The following GLI2 variants were observed in gnomAD, a reference collection of about 807,000 sequenced individuals.
GLI2 encodes the protein GLI family zinc finger 2, also known as transcription activator GLI2.
GLI2 carries 22 observed loss-of-function variants against 78.9 expected under a neutral mutation model. That is an observed-to-expected ratio of 0.28 (90% CI 0.20 to 0.40). GLI2 has a LOEUF of 0.40. GLI2 is among the 10% of genes least tolerant of loss of function. The pLI, the probability that GLI2 is intolerant of heterozygous loss-of-function variation, is 1.00. For missense variants in GLI2, 2,097 were observed against 2,213.2 expected, an observed-to-expected ratio of 0.95 and a Z score of 1.05; for synonymous variants, 974 against 963.7, an observed-to-expected ratio of 1.01 and a Z score of -0.20.
At chr2:120,767,725 C>T (rs1474576675) in intron 1 of GLI2, among the ~76,000 whole-genome samples, 1 of 152,218 alleles carries the variant, frequency 6.6e-6, no homozygotes, top group Non-Finnish European at 1.5e-5. Context: ...CAGTGGCCTG[C>T]GTGGGCTCTG....
intron 2 of GLI2, among the ~76,000 whole-genome samples, chr2:120,806,075 TG>T (rs1684935214): frequency 6.6e-6 from 1 of 152,200 alleles, no homozygotes; most frequent in African/African-American, 2.4e-5. Flanking sequence ...GGAGAATGGA[TG>T]GGCCCCTGTT....
chr2:120,909,782 A>C (rs1211451), intron 2 of GLI2, among the ~76,000 whole-genome samples: 5 of 151,986 alleles, frequency 3.3e-5, no homozygotes, highest in Non-Finnish European at 7.4e-5. Context: ...GGAGAATGGC[A>C]TGAACCCGGG....
At chr2:120,810,103 T>C (rs894585374) in intron 2 of GLI2, among the ~76,000 whole-genome samples, 5 of 152,172 alleles carry the variant, frequency 3.3e-5, no homozygotes. Flanking sequence ...GGGAGCCAGG[T>C]CTCAGGGATG....
chr2:120,892,675 A>G (rs919878683), intron 2 of GLI2, among the ~76,000 whole-genome samples: 3 of 152,180 alleles, frequency 2.0e-5, no homozygotes, highest in Admixed American at 2.0e-4. Context: ...CAGTAACCCT[A>G]CTTAACAAAT....
intron 2 of GLI2, among the ~76,000 whole-genome samples, chr2:120,858,305 T>C (rs2104631716): frequency 6.6e-6 from 1 of 152,334 alleles, no homozygotes; most frequent in Middle Eastern, 3.4e-3. Flanking sequence ...TAAATGCACA[T>C]GTAAGTACTC....
chr2:120,801,525 A>C (rs933859181), intron 2 of GLI2, among the ~76,000 whole-genome samples: 2 of 152,244 alleles, frequency 1.3e-5, no homozygotes, highest in African/African-American at 4.8e-5. Flanking sequence ...GAACATCTTG[A>C]ATGGAACACG....
rs1684648601 is a variant in GLI2 at position 120,800,485 on chromosome 2, A to G, written c.148+3017A>G. Among the ~76,000 whole-genome samples the G allele has an allele frequency of 6.6e-6, 1 of 150,566 alleles. No homozygotes were observed. Among genetic ancestry groups the G allele is most frequent in the Admixed American group, 6.6e-5 (1 of 15,066 alleles). ...CGGAAAGGGATGATTTATTATTATTATTATTATTTTATTTTTTATTTTTAT... is the reference window on the plus strand; with the variant it reads ...CGGAAAGGGATGATTTATTATTATTGTTATTATTTTATTTTTTATTTTTAT... On this transcript the variant is annotated intron_variant, in intron 2 of 13. Transcript: ENST00000361492. The surrounding 1 kb of genome is among the most constrained non-coding windows in gnomAD (Gnocchi z 4.1).
At chr2:120,919,347 A>G (rs1667463020) in intron 2 of GLI2, among the ~76,000 whole-genome samples, 1 of 152,238 alleles carries the variant, frequency 6.6e-6, no homozygotes, top group African/African-American at 2.4e-5. Context: ...AGACGTGCCA[A>G]GTAAGAATGC....
At chr2:120,958,698 A>C (rs1208398330) in intron 5 of GLI2, among the ~76,000 whole-genome samples, 1 of 152,148 alleles carries the variant, frequency 6.6e-6, no homozygotes, top group Non-Finnish European at 1.5e-5. Flanking sequence ...CCCCACATGC[A>C]GGTCCCCAGA....
At chr2:120,808,994 C>A (rs868508876) in intron 2 of GLI2, among the ~76,000 whole-genome samples, 1 of 152,208 alleles carries the variant, frequency 6.6e-6, no homozygotes. Flanking sequence ...GGAGGGAGGA[C>A]CCACCAGTTC....
chr2:120,765,828 G>C, intron 1 of GLI2, among the ~76,000 whole-genome samples: 1 of 152,254 alleles, frequency 6.6e-6, no homozygotes, highest in Non-Finnish European at 1.5e-5. Flanking sequence ...TGTTTTTGAA[G>C]TTCGCTGCCT....
intron 1 of GLI2, among the ~76,000 whole-genome samples, chr2:120,765,236 C>A (rs1683332030): frequency 6.6e-6 from 1 of 152,246 alleles, no homozygotes; most frequent in Non-Finnish European, 1.5e-5. Context: ...CCACTTCACA[C>A]CCTGAGCCCA....
At chr2:120,843,540 T>C (rs1215624347) in intron 2 of GLI2, among the ~76,000 whole-genome samples, 2 of 152,176 alleles carry the variant, frequency 1.3e-5, no homozygotes, top group Non-Finnish European at 2.9e-5. Flanking sequence ...TCCATGAAAA[T>C]ATTTTGAAAA....
chr2:120,757,300 G>T (rs1319472411), intron 1 of GLI2, among the ~76,000 whole-genome samples: 1 of 147,952 alleles, frequency 6.8e-6, no homozygotes, highest in Non-Finnish European at 1.5e-5. Context: ...ATTGGATGTT[G>T]AATATTTTTG....
At chr2:120,864,664 G>A (rs1053814323) in intron 2 of GLI2, among the ~76,000 whole-genome samples, 2 of 152,108 alleles carry the variant, frequency 1.3e-5, no homozygotes, top group Admixed American at 1.3e-4. Flanking sequence ...AGCCAGGATG[G>A]TCTCGATCTC....
intron 1 of GLI2, among the ~76,000 whole-genome samples, chr2:120,742,709 A>T (rs1682585974): frequency 6.8e-6 from 1 of 147,282 alleles, no homozygotes. Context: ...AAAGAGAAAA[A>T]TCTTTCTCCA....
chr2:120,763,731 C>A (rs1042798408), intron 1 of GLI2, among the ~76,000 whole-genome samples: 1 of 152,238 alleles, frequency 6.6e-6, no homozygotes, highest in Non-Finnish European at 1.5e-5. Flanking sequence ...TTGCCCCACG[C>A]CCGGAAGCAT....
chr2:120,808,801 C>A (rs1685083630), intron 2 of GLI2, among the ~76,000 whole-genome samples: 1 of 152,156 alleles, frequency 6.6e-6, no homozygotes, highest in East Asian at 1.9e-4. Context: ...GCAGGGTGGC[C>A]TGGCATGTGG....
At position 120,800,356 on chromosome 2, in the gene GLI2, T is replaced by C. The variant is rs1684641211; in HGVS notation, c.148+2888T>C. On this transcript the variant is annotated intron_variant, in intron 2 of 13. Transcript: ENST00000361492. This position sits in a 1 kb window ranked among gnomAD's most constrained non-coding sequence, Gnocchi z 4.1. ...CAGACTGAGTCGACTCCCCTGTTGCTGCGCAGGTGACCACTTAGAAGCCTG... is the reference window on the plus strand; with the variant it reads ...CAGACTGAGTCGACTCCCCTGTTGCCGCGCAGGTGACCACTTAGAAGCCTG... Among the ~76,000 whole-genome samples, 1 of 152,076 alleles carries C rather than the reference T, an allele frequency of 6.6e-6. No homozygotes were observed. The highest frequency in any genetic ancestry group is 6.5e-5 in the Admixed American group (1 of 15,272).
Sources: allele counts gnomAD v4.1 joint callset (sites outside exome capture counted in the v4.1 genomes callset), GRCh38; gene constraint gnomAD v4.1.1; non-coding constraint Gnocchi (gnomAD v3.1); transcripts MANE v1.5; gene names NCBI Gene and HGNC (gene_info 2026-07-23, HGNC 2026-07-21).